The following RBM26 variants were observed in gnomAD, a reference collection of about 807,000 sequenced individuals.
The protein encoded by RBM26 is RNA binding motif protein 26, also known as RNA-binding protein 26.
A neutral mutation model predicts 123.6 loss-of-function variants in RBM26; 30 were observed. That is an observed-to-expected ratio of 0.24 (90% confidence interval 0.18 to 0.33). The LOEUF is 0.33. Ranked by LOEUF, RBM26 falls within the 10% of genes least tolerant of loss-of-function variation. RBM26 has a pLI of 1.00. For synonymous variants in RBM26, 400 were observed against 404.4 expected (o/e 0.99, Z 0.13); for missense variants, 947 against 1,203.6 (o/e 0.79, Z 3.15).
rs745762054 is a variant in RBM26 at position 79,342,658 on chromosome 13, A to AG, written c.2427+5_2427+6insC. 3 of 1,444,494 alleles carry AG rather than the reference A, an allele frequency of 2.1e-6. No individual in the cohort carries two copies. In the Admixed American group the frequency reaches 7.2e-5, roughly 35 times the overall value. The allele number at this position is 1,444,494 out of a possible 1,614,324, so 89.5% of individuals were successfully genotyped here. A position where few individuals can be genotyped will look rare whatever the true frequency, so the allele number is the denominator to read the frequency against. ...TAATAATATGAACAACAATGAAATT[A>AG]AATACCTGAGTCTTGGTTTTTATAC... On this transcript the variant is annotated splice_donor_region_variant and intron_variant, in intron 17 of 21. Transcript: ENST00000438737.
intron 18 of RBM26, among the ~76,000 whole-genome samples, chr13:79,339,807 G>A (rs902850016): frequency 1.3e-5 from 2 of 152,032 alleles, no homozygotes; most frequent in African/African-American, 4.8e-5. Flanking sequence ...GTATTATTTA[G>A]CCTAAGAACC....
chr13:79,405,688 TC>T lies in RBM26; in HGVS notation c.71+15del. ...CCACTGCCATCCCTGCAAAGAGATA[TC>T]CCCCGGATACTCACATGGGCTCGAG... On this transcript the variant is annotated intron_variant, in intron 1 of 21. Coordinates refer to ENST00000438737, the MANE Select transcript of RBM26 (RefSeq NM_001366735.2). The T allele has an allele frequency of 2.6e-6, 4 of 1,564,340 alleles. No individual in the cohort carries two copies. Among genetic ancestry groups the T allele is most frequent in the Non-Finnish European group, 3.5e-6 (4 of 1,146,216 alleles).
chr13:79,373,155 TG>T, intron 3 of RBM26, among the ~76,000 whole-genome samples: 1 of 2,532 alleles, frequency 3.9e-4, no homozygotes, highest in Non-Finnish European at 4.3e-3. Context: ...ATATATTTTA[TG>T]TATTATATAT....
intron 1 of RBM26, among the ~76,000 whole-genome samples, chr13:79,388,707 G>T (rs1030182247): frequency 2.0e-5 from 3 of 152,094 alleles, no homozygotes. Flanking sequence ...TTAGAGACTG[G>T]TAACTGCAAG....
At chr13:79,373,943 G>A (rs1251428462) in intron 3 of RBM26, among the ~76,000 whole-genome samples, 1 of 138,160 alleles carries the variant, frequency 7.2e-6, no homozygotes, top group African/African-American at 2.7e-5. Context: ...TCAACAACAG[G>A]AACGACAGGA....
intron 20 of RBM26, among the ~76,000 whole-genome samples, chr13:79,328,965 T>C (rs1026904465): frequency 2.0e-5 from 3 of 151,746 alleles, no homozygotes; most frequent in Non-Finnish European, 4.4e-5. Flanking sequence ...GTAAAACCAC[T>C]ATGTAGCGTA....
chr13:79,405,722 C>G lies in RBM26; in HGVS notation c.53G>C (p.Ser18Thr). 6.3e-7 allele frequency: 1 copy of G among 1,598,750 alleles called. No homozygotes were observed. Among genetic ancestry groups the G allele is most frequent in the Non-Finnish European group, 8.5e-7 (1 of 1,171,820 alleles). Residue 18 changes from serine (S) to threonine (T), a missense_variant, in exon 1 of 22, where the codon AGC becomes ACC. Ser to Thr is a moderately conservative substitution (Grantham distance 58). This residue lies in a region of RBM26 where 275 missense variants were observed against 361.0 expected (regional missense o/e 0.76). Transcript: ENST00000438737. ...TACTCACATGGGCTCGAGAGTCTTGCTGAGCCAGGACTTGAGTGCCTCGAA... is the reference window on the plus strand; with the variant it reads ...TACTCACATGGGCTCGAGAGTCTTGGTGAGCCAGGACTTGAGTGCCTCGAA... ...ENFEALKSWL[S>T]KTLEPICDAD...
At chr13:79,344,868 T>G in intron 14 of RBM26, 74 bp from the exon 15 acceptor site, 1 of 1,409,026 alleles carries the variant, frequency 7.1e-7, no homozygotes, top group Non-Finnish European at 9.8e-7. Flanking sequence ...AAGACTCAAC[T>G]TTAAAGCACT....
At chr13:79,368,646 G>T in intron 6 of RBM26, 84 bp downstream of exon 6, 1 of 1,327,314 alleles carries the variant, frequency 7.5e-7, no homozygotes, top group East Asian at 2.3e-5. Flanking sequence ...GTAAGTCTTT[G>T]AATAACTATG....
In RBM26 at chr13:79,378,923, A is replaced by G; in HGVS notation, c.72-16T>C. 1 of 1,495,414 alleles carries G rather than the reference A, an allele frequency of 6.7e-7. No individual in the cohort carries two copies. Among genetic ancestry groups the G allele is most frequent in the Non-Finnish European group, 9.2e-7 (1 of 1,086,564 alleles). 92.6% of individuals were successfully genotyped at this position (1,495,414 alleles called of 1,614,324 possible). A position where few individuals can be genotyped will look rare whatever the true frequency, so the allele number is the denominator to read the frequency against. ...TGCATCACAGCTAAAGAAAAAAACC[A>G]ATGTTGAAGAAAATTTAGCCAACTG... On this transcript the variant is annotated splice_polypyrimidine_tract_variant and intron_variant, in intron 1 of 21. Coordinates refer to ENST00000438737, the MANE Select transcript of RBM26 (RefSeq NM_001366735.2).
At chr13:79,337,376 A>G in intron 18 of RBM26, 74 bp from the exon 19 acceptor site, 1 of 1,527,472 alleles carries the variant, frequency 6.5e-7, no homozygotes, top group Non-Finnish European at 9.0e-7. Context: ...ACTCTGGCAG[A>G]TGAATAAAAC....
At chr13:79,372,886 C>A (rs868288949) in intron 3 of RBM26, among the ~76,000 whole-genome samples, 8 of 64,414 alleles carry the variant, frequency 1.2e-4, no homozygotes, top group South Asian at 4.7e-4. Context: ...ATTTTATATG[C>A]TATATAAAAT....
chr13:79,312,953 T>C (rs2066935983), exon 5 of RBM26: 1 of 151,944 alleles, frequency 6.6e-6, no homozygotes. Context: ...TGATTTATCT[T>C]GTAAACAAGA....
intron 9 of RBM26, among the ~76,000 whole-genome samples, chr13:79,364,227 A>C (rs907293010): frequency 2.0e-5 from 3 of 152,212 alleles, no homozygotes; most frequent in Non-Finnish European, 4.4e-5. Context: ...GATCTAAAAG[A>C]GGATATAAAT....
intron 1 of RBM26, 69 bp from the exon 2 acceptor site, chr13:79,378,976 T>C (rs1035807706): frequency 3.2e-6 from 3 of 936,468 alleles, no homozygotes; most frequent in African/African-American, 3.3e-5. Context: ...AGTTACAAAC[T>C]GAATTAGTGA....
At chr13:79,351,179 CA>C (rs1375973738) in intron 14 of RBM26, among the ~76,000 whole-genome samples, 2 of 152,212 alleles carry the variant, frequency 1.3e-5, no homozygotes, top group South Asian at 2.1e-4. Context: ...ACTTCAATTT[CA>C]AAAGTCCAAA....
rs994736724 is a variant in RBM26, at chr13:79,402,781, T to C, written c.71+2923A>G. 2.0e-5 allele frequency among the ~76,000 whole-genome samples: 3 copies of C among 152,172 alleles called. No individual in the cohort carries two copies. In the East Asian group the frequency reaches 5.8e-4, roughly 29 times the overall value. On this transcript the variant is annotated intron_variant, in intron 1 of 21. Transcript: ENST00000438737. ...GATAAACATTACACCAGGGAAGTGT[T>C]TCCTGATGTTCCCAGACTTCAACAC...
chr13:79,314,964 C>G (rs1427908639), downstream of RBM26: 1 of 1,300,788 alleles, frequency 7.7e-7, no homozygotes, highest in East Asian at 5.6e-5. Flanking sequence ...AGTCACAAAG[C>G]TAAATTCAGG....
At chr13:79,344,832 G>A in intron 14 of RBM26, 38 bp from the exon 15 acceptor site, 2 of 1,596,226 alleles carry the variant, frequency 1.3e-6, no homozygotes, top group South Asian at 1.1e-5. Context: ...ATATATATCA[G>A]CCGTTCATGA....
Sources: gnomAD v4.1 joint callset for allele counts (sites outside exome capture counted in the v4.1 genomes callset) on GRCh38, gnomAD v4.1.1 for gene constraint, gnomAD v4.1.1 regional missense constraint, MANE v1.5 for transcripts, NCBI Gene and HGNC (gene_info 2026-07-23, HGNC 2026-07-21) for gene names.